The following PRR14L variants were observed in gnomAD, a reference collection of about 807,000 sequenced individuals.
PRR14L encodes the protein proline rich 14 like.
A neutral mutation model predicts 155.0 loss-of-function variants in PRR14L; 80 were observed. The observed-to-expected ratio is 0.52, with a 90% CI of 0.43 to 0.62. PRR14L has a LOEUF of 0.62. Among genes scored for constraint, PRR14L ranks in the 20% least tolerant of loss-of-function variants. PRR14L has a pLI of 0.00. For missense variants in PRR14L, 2,469 were observed against 2,548.0 expected (o/e 0.97, Z 0.67); for synonymous variants, 883 against 916.0 (o/e 0.96, Z 0.65).
At chr22:31,740,483 G>A (rs1052336434) in intron 1 of PRR14L, among the ~76,000 whole-genome samples, 1 of 151,898 alleles carries the variant, frequency 6.6e-6, no homozygotes, top group East Asian at 1.9e-4. Context: ...CTTCCAAAGT[G>A]CTGGGATTAC....
At position 31,684,652 on chromosome 22, in the gene PRR14L, T is replaced by A. The variant is rs1601488213; in HGVS notation, c.*875A>T. On this transcript the variant is annotated 3_prime_UTR_variant, in exon 9 of 9. Coordinates refer to ENST00000327423, the MANE Select transcript of PRR14L (RefSeq NM_173566.3). ...TAGAAGCTGGAGATGGGGAAGGGAT[T>A]GCCTGAAACACATGAATAGGAAAAA... 1 of 152,168 alleles carries A rather than the reference T, an allele frequency of 6.6e-6. No individual in the cohort carries two copies. Among genetic ancestry groups the A allele is most frequent in the African/African-American group, 2.4e-5 (1 of 41,432 alleles). 9.4% of individuals were successfully genotyped at this position (152,168 alleles called of 1,614,324 possible). A position where few individuals can be genotyped will look rare whatever the true frequency, so the allele number is the denominator to read the frequency against.
chr22:31,701,814 T>C, intron 6 of PRR14L, 52 bp from the exon 7 acceptor site: 1 of 1,444,814 alleles, frequency 6.9e-7, no homozygotes, highest in South Asian at 1.2e-5. Flanking sequence ...ACATTTTATT[T>C]ATATATTTTT....
In PRR14L at chr22:31,715,687, G is replaced by C. The variant is rs1368363231; in HGVS notation, c.2152C>G (p.Pro718Ala). The part of the protein sequence containing the change: ...PIQTKIKDIS[P>A]PGNQTCGASS... ...GCACCACAGGTTTGGTTACCTGGTG[G>C]AGAGATGTCTTTTATTTTTGTCTGA... Residue 718 changes from proline (P) to alanine (A), a missense_variant, in exon 4 of 9, where the codon CCA becomes GCA. Physicochemically the swap from Pro to Ala is conservative, Grantham distance 27. Around this residue, in one of 2 missense-constraint regions of PRR14L, gnomAD observed 2,363 missense variants for 2,371.6 expected, o/e 1.00. Coordinates refer to ENST00000327423, the MANE Select transcript of PRR14L (RefSeq NM_173566.3). The C allele has an allele frequency of 1.3e-6, 2 of 1,552,146 alleles. No homozygotes were observed. Among genetic ancestry groups the C allele is most frequent in the Admixed American group, 2.0e-5 (1 of 50,974 alleles).
In PRR14L at chr22:31,713,136, C is replaced by A. The variant is rs771524302; in HGVS notation, c.4703G>T (p.Cys1568Phe). ...TAATCGTGTAGGTGCAGACAGAGTA[C>A]ACAAACTGAGAAGTCTGTGCGCTTT... ...PTKAHRLLSL[C>F]TLSAPTRLEP... Residue 1568 changes from cysteine (C) to phenylalanine (F), a missense_variant, in exon 4 of 9, where the codon TGT becomes TTT. By Grantham distance (205) the Cys-to-Phe change is radical (BLOSUM62 -2). This residue lies in a region of PRR14L where 2,363 missense variants were observed against 2,371.6 expected (regional missense o/e 1.00). Coordinates refer to ENST00000327423, the MANE Select transcript of PRR14L (RefSeq NM_173566.3). 1 of 1,552,044 alleles carries A rather than the reference C, an allele frequency of 6.4e-7. No individual in the cohort carries two copies. The highest frequency in any genetic ancestry group is 8.7e-7 in the Non-Finnish European group (1 of 1,147,080).
At position 31,716,089 on chromosome 22, in the gene PRR14L, C is replaced by G; in HGVS notation, c.1750G>C (p.Val584Leu). Reference sequence around the variant, plus strand: ...TGCTTGGGTTTTAATACCTCACTTACAGGACTTATTTGATCCTCTGGCATT... The same window carrying G: ...TGCTTGGGTTTTAATACCTCACTTAGAGGACTTATTTGATCCTCTGGCATT... ...SLMPEDQISP[V>L]SEVLKPKQGT... The change falls in exon 4 of 9, where the codon GTA (valine) becomes CTA (leucine). Residue 584 changes from valine to leucine, a missense_variant. By Grantham distance (32) the Val-to-Leu change is conservative (BLOSUM62 1). This residue lies in a region of PRR14L where 2,363 missense variants were observed against 2,371.6 expected (regional missense o/e 1.00). Transcript: ENST00000327423. 1 of 1,551,020 alleles carries G rather than the reference C, an allele frequency of 6.4e-7. No homozygotes were observed. The highest frequency in any genetic ancestry group is 8.7e-7 in the Non-Finnish European group (1 of 1,146,868).
Position 31,713,601 on chromosome 22 carries a change from G to C in PRR14L, c.4238C>G (p.Thr1413Arg), listed in dbSNP as rs769926993. Residue 1413 changes from threonine to arginine, a missense_variant, in exon 4 of 9, where the codon ACG becomes AGG. Around this residue, in one of 2 missense-constraint regions of PRR14L, gnomAD observed 2,363 missense variants for 2,371.6 expected, o/e 1.00. Coordinates refer to ENST00000327423, the MANE Select transcript of PRR14L (RefSeq NM_173566.3). ...AGATGATATGCACTGTTGCGATATC[G>C]TATGTGCTTTTTGTTGACGTATATA... The part of the protein sequence containing the change: ...EKYIRQQKAH[T>R]ISQQCISSSL... 3 of 1,551,830 alleles carry C rather than the reference G, an allele frequency of 1.9e-6. No individual in the cohort carries two copies. Among genetic ancestry groups the C allele is most frequent in the African/African-American group, 1.4e-5 (1 of 73,000 alleles).
intron 1 of PRR14L, among the ~76,000 whole-genome samples, chr22:31,740,974 C>T (rs932631334): frequency 9.9e-5 from 15 of 151,962 alleles, no homozygotes; most frequent in African/African-American, 2.4e-4. Context: ...AAATCCAAGG[C>T]GGGGCATGGT....
intron 1 of PRR14L, among the ~76,000 whole-genome samples, chr22:31,743,585 G>C (rs916062715): frequency 1.3e-5 from 2 of 152,086 alleles, no homozygotes; most frequent in African/African-American, 4.8e-5. Flanking sequence ...TGGATCACTT[G>C]AGGTCAGGAG....
Position 31,701,722 on chromosome 22 carries a change from C to A in PRR14L, c.6041G>T (p.Arg2014Leu). The A allele has an allele frequency of 6.2e-7, 1 of 1,613,996 alleles. No individual in the cohort carries two copies. Among genetic ancestry groups the A allele is most frequent in the Non-Finnish European group, 8.5e-7 (1 of 1,179,912 alleles). ...TGGCCTAGGAATGGTTTTCCGGATGCGAATCTGTGAGACTTTCTTTGGCCT... is the reference window on the plus strand; with the variant it reads ...TGGCCTAGGAATGGTTTTCCGGATGAGAATCTGTGAGACTTTCTTTGGCCT... ...EKRPKKVSQI[R>L]IRKTIPRPDP... The change falls in exon 7 of 9, where the codon CGC (arginine) becomes CTC (leucine). Residue 2014 changes from arginine to leucine, a missense_variant. Arg to Leu is a moderately radical substitution (Grantham distance 102, BLOSUM62 -2). This residue lies in a region of PRR14L where 106 missense variants were observed against 176.4 expected (regional missense o/e 0.60). Transcript: ENST00000327423.
chr22:31,717,134 G>C lies in PRR14L; in HGVS notation c.705C>G (p.Asp235Glu), dbSNP rs1330685512. ...SAGCGEFQEVDKIMTSDEVSE... is the reference protein window; with the variant it reads ...SAGCGEFQEVEKIMTSDEVSE... Reference sequence around the variant, plus strand: ...AAACCTCATCACTGGTCATGATTTTGTCTACTTCTTGGAATTCACCGCATC... The same window carrying C: ...AAACCTCATCACTGGTCATGATTTTCTCTACTTCTTGGAATTCACCGCATC... Residue 235 changes from aspartate (D) to glutamate (E), a missense_variant, in exon 4 of 9, where the codon GAC becomes GAG. Coordinates refer to ENST00000327423, the MANE Select transcript of PRR14L (RefSeq NM_173566.3). 1 of 1,552,296 alleles carries C rather than the reference G, an allele frequency of 6.4e-7. No homozygotes were observed.
rs1448519709 is a variant in PRR14L, at chr22:31,714,446, T to C, written c.3393A>G (p.Ser1131=). The C allele has an allele frequency of 3.9e-6, 6 of 1,551,622 alleles. No homozygotes were observed. In the African/African-American group the frequency reaches 4.1e-5, roughly 11 times the overall value. ...AAGATCTGCATACGTTTTCTTCACA[T>C]GATTTTTTTATTTTGAGAAAGTCCA... ...STVDFLKIKK[S]CEENVCRSLK... Residue 1131 remains serine (S), a synonymous_variant, in exon 4 of 9, where the codon TCA becomes TCG. Coordinates refer to ENST00000327423, the MANE Select transcript of PRR14L (RefSeq NM_173566.3).
At chr22:31,725,482 C>A (rs2074711375) in intron 3 of PRR14L, 56 bp downstream of exon 3, 4 of 1,191,098 alleles carry the variant, frequency 3.4e-6, no homozygotes, top group Non-Finnish European at 3.7e-6. Flanking sequence ...GGAAGCGGAA[C>A]TAAAACAGTA....
At chr22:31,739,425 G>C (rs1262241323) in intron 1 of PRR14L, among the ~76,000 whole-genome samples, 1 of 152,174 alleles carries the variant, frequency 6.6e-6, no homozygotes, top group African/African-American at 2.4e-5. Flanking sequence ...GATAAAGTGG[G>C]ATTCCATTCC....
chr22:31,746,639 T>C (rs766463270), intron 1 of PRR14L, among the ~76,000 whole-genome samples: 20 of 152,208 alleles, frequency 1.3e-4, no homozygotes, highest in Non-Finnish European at 2.2e-4. Context: ...AGTACTATAT[T>C]AGAATGTGTA....
chr22:31,714,759 C>T lies in PRR14L; in HGVS notation c.3080G>A (p.Cys1027Tyr), dbSNP rs1346700921. The T allele has an allele frequency of 3.9e-6, 6 of 1,552,346 alleles. No homozygotes were observed. Among genetic ancestry groups the T allele is most frequent in the Non-Finnish European group, 5.2e-6 (6 of 1,147,124 alleles). The part of the protein sequence containing the change: ...VSSGSNNSLP[C>Y]GSPKKCNLKG... ...CAAATTGCATTTCTTTGGACTACCA[C>T]AAGGTAGTGAGTTATTACTGCCTGA... Residue 1027 changes from cysteine (C) to tyrosine (Y), a missense_variant, in exon 4 of 9, where the codon TGT becomes TAT. Physicochemically the swap from Cys to Tyr is radical, Grantham distance 194. Coordinates refer to ENST00000327423, the MANE Select transcript of PRR14L (RefSeq NM_173566.3).
chr22:31,729,753 T>C (rs932382776), intron 2 of PRR14L, among the ~76,000 whole-genome samples: 1 of 151,794 alleles, frequency 6.6e-6, no homozygotes, highest in Non-Finnish European at 1.5e-5. Flanking sequence ...AAAGACGGGG[T>C]AAGGGGAGAA....
chr22:31,688,270 CT>C (rs371441167), intron 7 of PRR14L, 43 bp from the exon 8 acceptor site: 6,128 of 1,309,234 alleles, frequency 4.7e-3, no homozygotes, highest in East Asian at 0.012. Flanking sequence ...TTCTCTCTCT[CT>C]TTTTTTTTTC....
At chr22:31,698,355 T>C (rs1450782597) in intron 7 of PRR14L, among the ~76,000 whole-genome samples, 1 of 151,822 alleles carries the variant, frequency 6.6e-6, no homozygotes, top group Non-Finnish European at 1.5e-5. Context: ...CCATTAACAA[T>C]ACCAAAAAGT....
In PRR14L at chr22:31,682,214, TCA is replaced by T. The variant is rs747014931; in HGVS notation, c.*3311_*3312del. The stretch of plus-strand genomic sequence containing the variant: ...CAAGGAAGGAGCCACGGGGGAGGTC[TCA>T]CGCCCAGATAGTGGGATCTGGAATG... On this transcript the variant is annotated 3_prime_UTR_variant, in exon 9 of 9. Coordinates refer to ENST00000327423, the MANE Select transcript of PRR14L (RefSeq NM_173566.3). 6.6e-6 allele frequency: 1 copy of T among 152,252 alleles called. No homozygotes were observed. The highest frequency in any genetic ancestry group is 1.5e-5 in the Non-Finnish European group (1 of 68,098). The allele number at this position is 152,252 out of a possible 1,614,324, so 9.4% of individuals were successfully genotyped here.
Sources: gnomAD v4.1 joint callset for allele counts (sites outside exome capture counted in the v4.1 genomes callset) on GRCh38, gnomAD v4.1.1 for gene constraint, gnomAD v4.1.1 regional missense constraint, MANE v1.5 for transcripts, NCBI Gene and HGNC (gene_info 2026-07-23, HGNC 2026-07-21) for gene names.